Variants in MBOAT1 observed in about 807,000 individuals in gnomAD.
MBOAT1 encodes membrane bound glycerophospholipid O-acyltransferase 1.
A neutral mutation model predicts 64.4 loss-of-function variants in MBOAT1; 67 were observed. The ratio of observed to expected loss-of-function variants is 1.04; its 90% confidence interval spans 0.85 to 1.27. The LOEUF is 1.27. Among genes scored for constraint, MBOAT1 ranks in the 50% most tolerant of loss-of-function variants. MBOAT1 has a pLI of 0.00. For missense variants in MBOAT1, 563 were observed against 604.6 expected (o/e 0.93, Z 0.72); for synonymous variants, 229 against 218.9 (o/e 1.05, Z -0.41).
intron 4 of MBOAT1, among the ~76,000 whole-genome samples, chr6:20,135,860 C>A (rs557977786): frequency 6.6e-6 from 1 of 152,196 alleles, no homozygotes; most frequent in Non-Finnish European, 1.5e-5. Context: ...ACAGATTCAA[C>A]AAACTTCCAC....
rs1219778037 is a variant in MBOAT1, at chr6:20,202,938, G to C, written c.99+9198C>G. On this transcript the variant is annotated intron_variant, in intron 1 of 12. Coordinates refer to ENST00000324607, the MANE Select transcript of MBOAT1 (RefSeq NM_001080480.3). ...GACATAAACTGAATTCTTTATACAA[G>C]TCACTGGTACAAAAGATATTTCCAG... 2.0e-5 allele frequency among the ~76,000 whole-genome samples: 3 copies of C among 152,264 alleles called. No individual in the cohort carries two copies. The East Asian group carries it at 5.8e-4, about 29-fold the overall frequency.
chr6:20,127,603 C>A (rs780363471), intron 6 of MBOAT1, among the ~76,000 whole-genome samples: 1 of 152,098 alleles, frequency 6.6e-6, no homozygotes, highest in Admixed American at 6.5e-5. Flanking sequence ...ACCGTGCATG[C>A]CAGGGATGTA....
chr6:20,168,102 C>T (rs9348414), intron 1 of MBOAT1, among the ~76,000 whole-genome samples: 25,122 of 152,154 alleles, frequency 0.17, 2,254 homozygotes, highest in East Asian at 0.37. Context: ...ATCAGCCCAT[C>T]TTCTTTCCCA....
At chr6:20,151,971 T>G (rs1412097090) in intron 2 of MBOAT1, among the ~76,000 whole-genome samples, 1 of 152,124 alleles carries the variant, frequency 6.6e-6, no homozygotes, top group African/African-American at 2.4e-5. Flanking sequence ...TGGGAAAAAT[T>G]AAACCTTACA....
At chr6:20,184,239 G>A (rs1762586609) in intron 1 of MBOAT1, among the ~76,000 whole-genome samples, 1 of 152,180 alleles carries the variant, frequency 6.6e-6, no homozygotes, top group South Asian at 2.1e-4. Context: ...GGGTATGTAG[G>A]GAACCACCCA....
chr6:20,153,601 CAAT>C (rs1213916758), intron 1 of MBOAT1, among the ~76,000 whole-genome samples: 1 of 152,214 alleles, frequency 6.6e-6, no homozygotes, highest in African/African-American at 2.4e-5. Flanking sequence ...GGACTTACAA[CAAT>C]GTCTCATTTT....
At chr6:20,191,715 T>G (rs1308413517) in intron 1 of MBOAT1, among the ~76,000 whole-genome samples, 2 of 152,228 alleles carry the variant, frequency 1.3e-5, no homozygotes, top group Non-Finnish European at 2.9e-5. Context: ...AGAGATGAGA[T>G]GACCCATGTA....
chr6:20,114,450 A>C (rs925071310), intron 10 of MBOAT1, among the ~76,000 whole-genome samples: 7 of 152,244 alleles, frequency 4.6e-5, no homozygotes, highest in Non-Finnish European at 1.0e-4. Flanking sequence ...AAGCATAAAC[A>C]TCTGGGATAC....
intron 12 of MBOAT1, among the ~76,000 whole-genome samples, chr6:20,104,039 C>A (rs1431787054): frequency 1.3e-5 from 2 of 152,098 alleles, no homozygotes; most frequent in Non-Finnish European, 2.9e-5. Flanking sequence ...TTTTACTGTA[C>A]CTTCTCTATG....
At chr6:20,117,491 A>G (rs1760362980) in intron 9 of MBOAT1, among the ~76,000 whole-genome samples, 1 of 152,236 alleles carries the variant, frequency 6.6e-6, no homozygotes, top group African/African-American at 2.4e-5. Context: ...TTTGTAGTTA[A>G]AATGCAGATC....
intron 1 of MBOAT1, among the ~76,000 whole-genome samples, chr6:20,163,686 T>C (rs556787923): frequency 1.3e-5 from 2 of 152,272 alleles, no homozygotes; most frequent in South Asian, 2.1e-4. Context: ...GTACGTGACC[T>C]GGCCTGGGTC....
intron 1 of MBOAT1, among the ~76,000 whole-genome samples, chr6:20,172,072 G>A (rs1263807521): frequency 6.6e-6 from 1 of 151,754 alleles, no homozygotes; most frequent in African/African-American, 2.4e-5. Flanking sequence ...ACAAGAAGAA[G>A]AAGAAAAAGA....
chr6:20,119,998 T>TGTATGTGC (rs1554116205), intron 8 of MBOAT1, among the ~76,000 whole-genome samples: 1 of 54,324 alleles, frequency 1.8e-5, no homozygotes, highest in Non-Finnish European at 4.0e-5. Context: ...TCTGTGTGTG[T>TGTATGTGC]GTGTGTGCGT....
Position 20,202,180 on chromosome 6 carries a change from A to C in MBOAT1, c.99+9956T>G, listed in dbSNP as rs571574737. On this transcript the variant is annotated intron_variant, in intron 1 of 12. Transcript: ENST00000324607. ...GACTCATCTGTTTCAAGTCAGCCAC[A>C]GAATGATGAATGAAACAAACTTAAA... 8.8e-4 allele frequency among the ~76,000 whole-genome samples: 134 copies of C among 152,332 alleles called. 1 individual carries two copies. The highest frequency in any genetic ancestry group is 3.1e-3 in the African/African-American group (128 of 41,572).
chr6:20,124,363 T>A (rs1366113890), intron 8 of MBOAT1, 45 bp downstream of exon 8: 1 of 1,576,506 alleles, frequency 6.3e-7, no homozygotes, highest in East Asian at 2.2e-5. Flanking sequence ...ATTCAAGCAG[T>A]AGCATTTTTC....
At chr6:20,202,401 T>G (rs1763147093) in intron 1 of MBOAT1, among the ~76,000 whole-genome samples, 1 of 152,176 alleles carries the variant, frequency 6.6e-6, no homozygotes, top group Non-Finnish European at 1.5e-5. Context: ...AATAAAATGA[T>G]AGTTTGCTGG....
intron 1 of MBOAT1, 29 bp downstream of exon 1, chr6:20,212,107 G>T: frequency 1.2e-6 from 2 of 1,603,432 alleles, no homozygotes; most frequent in South Asian, 1.1e-5. Context: ...TGGGGAGCTG[G>T]GGTCGCTGCG....
intron 4 of MBOAT1, among the ~76,000 whole-genome samples, chr6:20,134,356 T>A (rs1760916522): frequency 6.6e-6 from 1 of 151,984 alleles, no homozygotes; most frequent in Admixed American, 6.6e-5. Flanking sequence ...CTGTCATTCC[T>A]CAGAAAAGAT....
At chr6:20,114,809 G>A (rs537958088) in intron 10 of MBOAT1, among the ~76,000 whole-genome samples, 13 of 151,908 alleles carry the variant, frequency 8.6e-5, no homozygotes, top group South Asian at 2.1e-4. Flanking sequence ...GCTTGAACCC[G>A]GGAGGCAGAG....
Sources: gnomAD v4.1 joint callset for allele counts (sites outside exome capture counted in the v4.1 genomes callset) on GRCh38, gnomAD v4.1.1 for gene constraint, MANE v1.5 for transcripts, NCBI Gene and HGNC (gene_info 2026-07-23, HGNC 2026-07-21) for gene names.